HDAC4: variants seen among roughly 807,000 people sequenced by gnomAD.
The protein encoded by HDAC4 is histone deacetylase 4, also known as histone deacetylase A.
HDAC4 carries 16 observed loss-of-function variants against 135.1 expected under a neutral mutation model. The ratio of observed to expected loss-of-function variants is 0.12; its 90% CI spans 0.08 to 0.18. The LOEUF is 0.18. Among genes scored for constraint, HDAC4 ranks in the 10% least tolerant of loss-of-function variants. The probability of loss-of-function intolerance (pLI) is 1.00; values close to 1 mark genes in which losing one functional copy is unlikely to be tolerated. For missense variants in HDAC4, 1,143 were observed against 1,511.8 expected (o/e 0.76, Z 4.05); for synonymous variants, 685 against 653.4 (o/e 1.05, Z -0.74).
intron 3 of HDAC4, among the ~76,000 whole-genome samples, chr2:239,215,268 G>A (rs2046570180): frequency 6.6e-6 from 1 of 152,116 alleles, no homozygotes; most frequent in Non-Finnish European, 1.5e-5. Flanking sequence ...GGAGCATGTG[G>A]TGTGGTAAGG....
chr2:239,398,583 G>C (rs189719921), intron 1 of HDAC4, among the ~76,000 whole-genome samples: 1 of 152,370 alleles, frequency 6.6e-6, no homozygotes, highest in East Asian at 1.9e-4. Flanking sequence ...ACAGAGTCCA[G>C]ATGGGCTGCC....
intron 4 of HDAC4, among the ~76,000 whole-genome samples, chr2:239,179,177 T>C (rs536358022): frequency 8.3e-4 from 127 of 152,274 alleles, no homozygotes; most frequent in African/African-American, 2.9e-3. Context: ...TGGATGCCTG[T>C]GCTCCATGAG....
intron 1 of HDAC4, among the ~76,000 whole-genome samples, chr2:239,356,146 A>T (rs898480248): frequency 6.6e-6 from 1 of 152,350 alleles, no homozygotes; most frequent in Admixed American, 6.5e-5. Flanking sequence ...TAAGAAAAAC[A>T]TCACATAGTT....
Position 239,167,425 on chromosome 2 carries a change from G to A in HDAC4, c.491-3502C>T, listed in dbSNP as rs2043179573. On this transcript the variant is annotated intron_variant, in intron 5 of 26. Transcript: ENST00000543185. This position sits in a 1 kb window ranked among gnomAD's most constrained non-coding sequence, Gnocchi z 4.1. ...GACTGGCGTTCATGCCCCATGCAGT[G>A]GGGGGCAGACATGACTGGGGTTCAC... Among the ~76,000 whole-genome samples the A allele has an allele frequency of 6.6e-6, 1 of 152,170 alleles. No individual in the cohort carries two copies. The highest frequency in any genetic ancestry group is 2.4e-5 in the African/African-American group (1 of 41,428).
At position 239,314,320 on chromosome 2, in the gene HDAC4, T is replaced by C. The variant is rs1302117450; in HGVS notation, c.22+38358A>G. Among the ~76,000 whole-genome samples, 3 of 152,076 alleles carry C rather than the reference T, an allele frequency of 2.0e-5. No homozygotes were observed. The South Asian group carries it at 6.2e-4, about 32-fold the overall frequency. On this transcript the variant is annotated intron_variant, in intron 2 of 26. Transcript: ENST00000543185. ...AAATCAGGCACTGACCCAAAACACA[T>C]ACGAAGGACACTCGACAAAACAAGA...
At chr2:239,056,553 T>C (rs1460673298) in intron 24 of HDAC4, among the ~76,000 whole-genome samples, 6 of 152,262 alleles carry the variant, frequency 3.9e-5, no homozygotes, top group East Asian at 1.9e-4. Flanking sequence ...GAAAGACAGA[T>C]ACACAGGAGT....
chr2:239,132,030 G>A lies in HDAC4; in HGVS notation c.1294+2215C>T, dbSNP rs111470597. Among the ~76,000 whole-genome samples, 653 of 152,276 alleles carry A rather than the reference G, an allele frequency of 4.3e-3. 3 individuals carry two copies. The highest frequency in any genetic ancestry group is 9.2e-3 in the Admixed American group (141 of 15,298). On this transcript the variant is annotated intron_variant, in intron 11 of 26. Transcript: ENST00000543185. ...CCAGCGGGTTCCAAATGAGGGCCCT[G>A]CTCATGGCGGGGCTGGGGGAGGGCC...
chr2:239,365,490 G>A (rs981063444), intron 1 of HDAC4, among the ~76,000 whole-genome samples: 6 of 152,218 alleles, frequency 3.9e-5, no homozygotes, highest in Non-Finnish European at 5.9e-5. Flanking sequence ...ATTCTGGAAC[G>A]TTCGGAAGAT....
At chr2:239,107,085 C>T (rs529276704) in intron 15 of HDAC4, among the ~76,000 whole-genome samples, 30 of 152,334 alleles carry the variant, frequency 2.0e-4, no homozygotes, top group African/African-American at 4.6e-4. Flanking sequence ...AGCTCCCAGA[C>T]GGGAGTCTCT....
chr2:239,142,105 G>A (rs558069991), intron 8 of HDAC4, among the ~76,000 whole-genome samples: 4 of 152,212 alleles, frequency 2.6e-5, no homozygotes, highest in African/African-American at 4.8e-5. Context: ...CACAGAACAC[G>A]GGCTGCGGGA....
chr2:239,071,248 T>A (rs1472806200), intron 22 of HDAC4, among the ~76,000 whole-genome samples: 1 of 151,868 alleles, frequency 6.6e-6, no homozygotes, highest in Non-Finnish European at 1.5e-5. Context: ...TGAAACCCCA[T>A]CTCCACTAAA....
chr2:239,083,298 C>T (rs2035538102), intron 20 of HDAC4, among the ~76,000 whole-genome samples: 1 of 152,240 alleles, frequency 6.6e-6, no homozygotes, highest in South Asian at 2.1e-4. Context: ...TTCCCAGGCA[C>T]TCCTACCTGC....
At chr2:239,136,356 T>C (rs2040956884) in intron 9 of HDAC4, among the ~76,000 whole-genome samples, 1 of 152,234 alleles carries the variant, frequency 6.6e-6, no homozygotes, top group Non-Finnish European at 1.5e-5. Context: ...TCTATGTTGC[T>C]GCAAATGTCA....
rs2045381628 is a variant in HDAC4, at chr2:239,196,381, C to T, written c.95-6304G>A. Among the ~76,000 whole-genome samples the T allele has an allele frequency of 1.3e-5, 2 of 152,230 alleles. 1 individual carries two copies. Among genetic ancestry groups the T allele is most frequent in the Admixed American group, 1.3e-4 (2 of 15,282 alleles). ...GCGTCCCTTCAAACCACATGCACCC[C>T]CTACCCCGTGAGCAACATCCTGACC... On this transcript the variant is annotated intron_variant, in intron 3 of 26. Transcript: ENST00000543185.
intron 1 of HDAC4, among the ~76,000 whole-genome samples, chr2:239,394,036 GT>G (rs1241792317): frequency 3.3e-5 from 4 of 121,818 alleles, no homozygotes; most frequent in Admixed American, 3.1e-4. Flanking sequence ...CTCTTCCTCA[GT>G]TTAAAAAAGA....
At chr2:239,230,417 G>A (rs1038082667) in intron 3 of HDAC4, among the ~76,000 whole-genome samples, 5 of 149,692 alleles carry the variant, frequency 3.3e-5, no homozygotes, top group Admixed American at 6.6e-5. Context: ...GTTCCGTGGC[G>A]GACATGACCG....
chr2:239,122,317 C>G (rs2039764548), intron 12 of HDAC4, among the ~76,000 whole-genome samples: 1 of 152,184 alleles, frequency 6.6e-6, no homozygotes, highest in South Asian at 2.1e-4. Flanking sequence ...AGGACACCTT[C>G]CAACGAACGT....
intron 2 of HDAC4, among the ~76,000 whole-genome samples, chr2:239,320,802 G>C (rs2053283214): frequency 6.6e-6 from 1 of 152,192 alleles, no homozygotes; most frequent in African/African-American, 2.4e-5. Context: ...AAGGCCTCTA[G>C]AGTTTTCCAA....
At position 239,299,283 on chromosome 2, in the gene HDAC4, G is replaced by A. The variant is rs951133666; in HGVS notation, c.22+53395C>T. ...CAACATCAGAGTGAAAATGCCTCAT[G>A]ATTGGTCCATCCTGTACAATAGGTT... On this transcript the variant is annotated intron_variant, in intron 2 of 26. Transcript: ENST00000543185. The surrounding 1 kb of genome is among the most constrained non-coding windows in gnomAD (Gnocchi z 4.0). Among the ~76,000 whole-genome samples the A allele has an allele frequency of 5.3e-5, 8 of 152,208 alleles. No individual in the cohort carries two copies. The highest frequency in any genetic ancestry group is 7.3e-5 in the Non-Finnish European group (5 of 68,038).
Sources: allele counts gnomAD v4.1 joint callset (sites outside exome capture counted in the v4.1 genomes callset), GRCh38; gene constraint gnomAD v4.1.1; non-coding constraint Gnocchi (gnomAD v3.1); transcripts MANE v1.5; gene names NCBI Gene and HGNC (gene_info 2026-07-23, HGNC 2026-07-21).